AKAP7: variants seen among roughly 807,000 people sequenced by gnomAD.
The protein encoded by AKAP7 is A kinase (PRKA) anchor protein 7.
A neutral mutation model predicts 39.5 loss-of-function variants in AKAP7; 39 were observed. The ratio of observed to expected loss-of-function variants is 0.99; its 90% CI spans 0.76 to 1.29. The LOEUF is 1.29. Ranked by LOEUF, AKAP7 falls within the 50% of genes most tolerant of loss-of-function variation. The pLI is 0.00. For synonymous variants in AKAP7, 140 were observed against 139.1 expected, an observed-to-expected ratio of 1.01 and a Z score of -0.05; for missense variants, 414 against 407.7, an observed-to-expected ratio of 1.02 and a Z score of -0.13.
intron 7 of AKAP7, among the ~76,000 whole-genome samples, chr6:131,240,338 A>G (rs1811436744): frequency 6.6e-6 from 1 of 152,192 alleles, no homozygotes; most frequent in Non-Finnish European, 1.5e-5. Flanking sequence ...TCTCCCAGTT[A>G]GGCTGCTTGG....
At chr6:131,177,483 C>T (rs895024228) in intron 5 of AKAP7, among the ~76,000 whole-genome samples, 2 of 152,164 alleles carry the variant, frequency 1.3e-5, no homozygotes, top group African/African-American at 4.8e-5. Flanking sequence ...TCTTTAGTAA[C>T]TAATCCAGTC....
intron 6 of AKAP7, among the ~76,000 whole-genome samples, chr6:131,209,613 C>T (rs1350826565): frequency 6.6e-6 from 1 of 152,068 alleles, no homozygotes; most frequent in Non-Finnish European, 1.5e-5. Context: ...TTAAAAGATG[C>T]AGTATCAGAG....
intron 7 of AKAP7, among the ~76,000 whole-genome samples, chr6:131,247,888 C>T (rs1480225780): frequency 6.6e-6 from 1 of 152,184 alleles, no homozygotes; most frequent in Admixed American, 6.5e-5. Flanking sequence ...CCTTGGCCCC[C>T]CAAAGTGCTG....
At chr6:131,150,359 A>G (rs1345586475) in intron 2 of AKAP7, among the ~76,000 whole-genome samples, 2 of 152,264 alleles carry the variant, frequency 1.3e-5, no homozygotes, top group Admixed American at 6.5e-5. Flanking sequence ...ATCTTAAAAT[A>G]TAAATTGAAA....
intron 1 of AKAP7, among the ~76,000 whole-genome samples, chr6:131,140,781 T>TAG (rs1156405609): frequency 6.6e-6 from 1 of 152,376 alleles, no homozygotes; most frequent in Middle Eastern, 3.4e-3. Context: ...GGTGATCCTT[T>TAG]ATGTGTAGCT....
intron 7 of AKAP7, chr6:131,252,956 T>C (rs901786999): frequency 3.4e-6 from 5 of 1,462,920 alleles, no homozygotes; most frequent in Non-Finnish European, 4.8e-6. Flanking sequence ...ATGTTCCTCC[T>C]TGAAGGTAGC....
At chr6:131,166,697 A>G (rs1803531226) in intron 4 of AKAP7, among the ~76,000 whole-genome samples, 1 of 152,182 alleles carries the variant, frequency 6.6e-6, no homozygotes, top group Admixed American at 6.5e-5. Flanking sequence ...CTTTTAATTG[A>G]TGGTGAGGTT....
intron 6 of AKAP7, among the ~76,000 whole-genome samples, chr6:131,218,345 A>G (rs1237472004): frequency 6.6e-6 from 1 of 152,208 alleles, no homozygotes; most frequent in East Asian, 1.9e-4. Flanking sequence ...GTATATTATT[A>G]TATTATGACA....
the AKAP7 span, among the ~76,000 whole-genome samples, chr6:131,126,281 T>C: frequency 1.3e-5 from 2 of 152,224 alleles, no homozygotes; most frequent in African/African-American, 4.8e-5. Flanking sequence ...TTCCTTTTAT[T>C]GAAAATAGGC....
chr6:131,235,111 T>C (rs1341321264), intron 7 of AKAP7, among the ~76,000 whole-genome samples: 2 of 152,148 alleles, frequency 1.3e-5, no homozygotes, highest in African/African-American at 2.4e-5. Context: ...CCTGTGTCTA[T>C]GTGTTCTCAT....
intron 6 of AKAP7, among the ~76,000 whole-genome samples, chr6:131,208,349 G>A (rs1225556377): frequency 6.6e-6 from 1 of 152,156 alleles, no homozygotes; most frequent in Non-Finnish European, 1.5e-5. Context: ...TACTTTGTAT[G>A]TCTTTAAAAA....
Position 131,184,244 on chromosome 6 carries a change from G to A in AKAP7, c.589+14971G>A, listed in dbSNP as rs112702588. 2,732 of 435,732 alleles carry A rather than the reference G, an allele frequency of 6.3e-3. 18 individuals carry two copies. Among genetic ancestry groups the A allele is most frequent in the Non-Finnish European group, 9.8e-3 (2,202 of 224,200 alleles). 27.0% of individuals were successfully genotyped at this position (435,732 alleles called of 1,614,324 possible). A position where few individuals can be genotyped will look rare whatever the true frequency, so the allele number is the denominator to read the frequency against. ...TCTGGACTTGTGAAGGAGAGGAGGA[G>A]GAAGGGAAAGGTGGGTATGAAAAAT... On this transcript the variant is annotated intron_variant, in intron 5 of 7. Coordinates refer to ENST00000431975, the MANE Select transcript of AKAP7 (RefSeq NM_016377.4).
chr6:131,266,786 CTT>C (rs558535023), intron 7 of AKAP7, among the ~76,000 whole-genome samples: 36 of 152,038 alleles, frequency 2.4e-4, no homozygotes, highest in African/African-American at 8.7e-4. Flanking sequence ...GACCCTTTCT[CTT>C]GATTTTGTTG....
intron 7 of AKAP7, among the ~76,000 whole-genome samples, chr6:131,252,695 G>A (rs776132243): frequency 1.3e-5 from 2 of 152,120 alleles, no homozygotes; most frequent in Non-Finnish European, 2.9e-5. Context: ...ACAAACTGTG[G>A]GTATCTAGTC....
At chr6:131,185,064 A>G in intron 5 of AKAP7, 1 of 709,352 alleles carries the variant, frequency 1.4e-6, no homozygotes, top group South Asian at 1.4e-5. Flanking sequence ...AAACTTGCCC[A>G]GGCTGTCATC....
At chr6:131,229,512 C>A (rs565133797) in intron 7 of AKAP7, among the ~76,000 whole-genome samples, 1 of 152,186 alleles carries the variant, frequency 6.6e-6, no homozygotes, top group African/African-American at 2.4e-5. Flanking sequence ...CAGTACCTGG[C>A]TAATTTTGGT....
chr6:131,162,597 G>A (rs538988625), intron 3 of AKAP7, among the ~76,000 whole-genome samples: 4 of 152,230 alleles, frequency 2.6e-5, no homozygotes, highest in Admixed American at 2.0e-4. Context: ...CCATCGATAG[G>A]ATAAAGACAA....
intron 7 of AKAP7, among the ~76,000 whole-genome samples, chr6:131,226,909 G>T (rs1256504596): frequency 6.6e-6 from 1 of 152,118 alleles, no homozygotes; most frequent in Admixed American, 6.6e-5. Flanking sequence ...TGTACGATGT[G>T]CCTACTTCTC....
intron 5 of AKAP7, among the ~76,000 whole-genome samples, chr6:131,183,667 A>C (rs577601916): frequency 2.0e-5 from 3 of 152,218 alleles, no homozygotes; most frequent in African/African-American, 4.8e-5. Context: ...CCTGGAGAGC[A>C]CTGGGAAGCA....
Sources: gnomAD v4.1 joint callset for allele counts (sites outside exome capture counted in the v4.1 genomes callset) on GRCh38, gnomAD v4.1.1 for gene constraint, MANE v1.5 for transcripts, NCBI Gene and HGNC (gene_info 2026-07-23, HGNC 2026-07-21) for gene names.